TULP3: variants seen among roughly 807,000 people sequenced by gnomAD.
The protein encoded by TULP3 is tubby-related protein 3.
In TULP3, 38 loss-of-function variants were observed where a neutral mutation model predicts 50.7. That is an observed-to-expected ratio of 0.75 (90% CI 0.58 to 0.98). The LOEUF is 0.98. Among genes scored for constraint, TULP3 ranks in the 50% least tolerant of loss-of-function variants. The probability of loss-of-function intolerance (pLI) is 0.00; values close to 1 mark genes in which losing one functional copy is unlikely to be tolerated. For missense variants in TULP3, 550 were observed against 568.0 expected (o/e 0.97, Z 0.32); for synonymous variants, 183 against 196.6 (o/e 0.93, Z 0.58).
intron 4 of TULP3, among the ~76,000 whole-genome samples, chr12:2,928,734 G>A (rs1025184010): frequency 2.0e-5 from 3 of 152,054 alleles, no homozygotes; most frequent in Admixed American, 6.6e-5. Context: ...CCTGAGGTCA[G>A]GAGTTTGAGA....
intron 2 of TULP3, among the ~76,000 whole-genome samples, chr12:2,917,621 T>G (rs1270992973): frequency 6.6e-6 from 1 of 152,036 alleles, no homozygotes; most frequent in Non-Finnish European, 1.5e-5. Flanking sequence ...CTCATGCCTG[T>G]AATCCCAGCA....
At position 2,920,919 on chromosome 12, in the gene TULP3, C is replaced by G. The variant is rs773363701; in HGVS notation, c.250C>G (p.His84Asp). Residue 84 changes from histidine to aspartate, a missense_variant, in exon 3 of 11, where the codon CAT (histidine) becomes GAT (aspartate). Physicochemically the swap from His to Asp is moderately conservative, Grantham distance 81 (BLOSUM62 -1). Transcript: ENST00000448120. Reference sequence around the variant, plus strand: ...TACTCCCCACAGCAATGTCATCTTACATGGTGTGTATTTAGGCAGCATCAC... The same window carrying G: ...TACTCCCCACAGCAATGTCATCTTAGATGGTGTGTATTTAGGCAGCATCAC... The part of the protein sequence containing the change: ...CHTPHSNVIL[H>D]GIDGPAAVLK... 3.7e-6 allele frequency: 6 copies of G among 1,614,124 alleles called. No homozygotes were observed. The South Asian group carries it at 5.5e-5, about 15-fold the overall frequency.
Position 2,940,327 on chromosome 12 carries a change from A to G in TULP3, c.*883A>G, listed in dbSNP as rs938012127. The stretch of plus-strand genomic sequence containing the variant: ...ATTGACCATTTAGTTTAGTTAAAAA[A>G]AAAAAAAAAAAGGTGGCAGGAGAGG... On this transcript the variant is annotated 3_prime_UTR_variant, in exon 11 of 11. Coordinates refer to ENST00000448120, the MANE Select transcript of TULP3 (RefSeq NM_003324.5). 1.6e-4 allele frequency: 226 copies of G among 1,437,712 alleles called. No individual in the cohort carries two copies. Among genetic ancestry groups the G allele is most frequent in the Middle Eastern group, 4.4e-4 (2 of 4,536 alleles). 89.1% of individuals were successfully genotyped at this position (1,437,712 alleles called of 1,614,324 possible). A position where few individuals can be genotyped will look rare whatever the true frequency, so the allele number is the denominator to read the frequency against.
intron 1 of TULP3, among the ~76,000 whole-genome samples, chr12:2,902,915 G>A (rs1159315250): frequency 1.3e-5 from 2 of 150,538 alleles, no homozygotes; most frequent in African/African-American, 4.9e-5. Context: ...AGGCTAGAGT[G>A]TCATGGCGTG....
chr12:2,908,674 C>T (rs1464928162), intron 1 of TULP3, among the ~76,000 whole-genome samples: 1 of 152,132 alleles, frequency 6.6e-6, no homozygotes, highest in Non-Finnish European at 1.5e-5. Flanking sequence ...CCTGCCTTGA[C>T]CTCCCAAAGT....
chr12:2,931,338 C>G, intron 6 of TULP3, 98 bp downstream of exon 6: 2 of 1,142,578 alleles, frequency 1.8e-6, no homozygotes, highest in African/African-American at 3.1e-5. Context: ...TGGTATTAGA[C>G]CAAGCCAGCT....
intron 1 of TULP3, among the ~76,000 whole-genome samples, chr12:2,895,200 G>A (rs565947169): frequency 6.6e-6 from 1 of 152,218 alleles, no homozygotes; most frequent in Non-Finnish European, 1.5e-5. Context: ...CATTCTTTGG[G>A]GCTATGGGAA....
At chr12:2,931,789 G>GTGTTAAT (rs1286192501) in intron 6 of TULP3, among the ~76,000 whole-genome samples, 9 of 152,252 alleles carry the variant, frequency 5.9e-5, no homozygotes, top group African/African-American at 2.2e-4. Flanking sequence ...ATGATACTAG[G>GTGTTAAT]TGTTAATTCT....
chr12:2,890,908 G>A lies in TULP3; in HGVS notation c.-40G>A. 3 of 1,562,888 alleles carry A rather than the reference G, an allele frequency of 1.9e-6. No homozygotes were observed. The highest frequency in any genetic ancestry group is 2.6e-6 in the Non-Finnish European group (3 of 1,154,004). ...GCCTAGCCACTCTAGCGACGGCGGGGAAGAGTGTGTACGTGGTGGGGGCTT... is the reference window on the plus strand; with the variant it reads ...GCCTAGCCACTCTAGCGACGGCGGGAAAGAGTGTGTACGTGGTGGGGGCTT... On this transcript the variant is annotated 5_prime_UTR_variant, in exon 1 of 11. Transcript: ENST00000448120.
In TULP3 at chr12:2,920,938, G is replaced by T. The variant is rs1361990558; in HGVS notation, c.253+16G>T. On this transcript the variant is annotated intron_variant, in intron 3 of 10. Transcript: ENST00000448120. ...ATCTTACATGGTGTGTATTTAGGCA[G>T]CATCACTTCCTAGTGGGGTACAATT... is the stretch of plus-strand genomic sequence containing the variant. 1.2e-6 allele frequency: 2 copies of T among 1,613,142 alleles called. No individual in the cohort carries two copies. The highest frequency in any genetic ancestry group is 1.7e-6 in the Non-Finnish European group (2 of 1,179,372).
At chr12:2,921,042 A>G (rs2098191386) in intron 3 of TULP3, 120 bp downstream of exon 3, 1 of 1,124,748 alleles carries the variant, frequency 8.9e-7, no homozygotes, top group Non-Finnish European at 1.3e-6. Flanking sequence ...AGGTACCTTC[A>G]TAAATCTTTA....
intron 1 of TULP3, among the ~76,000 whole-genome samples, chr12:2,892,585 A>C (rs10744575): frequency 0.48 from 72,316 of 151,710 alleles, 17,685 homozygotes; most frequent in African/African-American, 0.59. Context: ...GATCTCGGCT[A>C]ACTGCAGCCT....
intron 2 of TULP3, among the ~76,000 whole-genome samples, chr12:2,917,369 G>T (rs1384751744): frequency 6.6e-6 from 1 of 152,068 alleles, no homozygotes; most frequent in Non-Finnish European, 1.5e-5. Flanking sequence ...CTACTCGGGA[G>T]GCTGAGGCAG....
intron 8 of TULP3, among the ~76,000 whole-genome samples, chr12:2,937,301 C>G (rs2098201909): frequency 7.3e-6 from 1 of 136,590 alleles, no homozygotes; most frequent in Non-Finnish European, 1.5e-5. Flanking sequence ...ACTGCAGCCT[C>G]TGCCTCCTGG....
At chr12:2,914,632 G>A (rs899113500) in intron 2 of TULP3, among the ~76,000 whole-genome samples, 8 of 151,972 alleles carry the variant, frequency 5.3e-5, no homozygotes, top group Non-Finnish European at 1.0e-4. Context: ...GTTTCACTAG[G>A]ATACTCTTTC....
intron 3 of TULP3, among the ~76,000 whole-genome samples, chr12:2,921,242 T>G (rs2098191540): frequency 6.6e-6 from 1 of 152,114 alleles, no homozygotes. Flanking sequence ...CAGGTTCAAG[T>G]GATTCTCCTG....
chr12:2,938,677 G>A (rs1006873215), intron 10 of TULP3, among the ~76,000 whole-genome samples: 11 of 151,854 alleles, frequency 7.2e-5, no homozygotes, highest in Non-Finnish European at 1.2e-4. Flanking sequence ...CCAGCTACCC[G>A]GGAGGCTGAG....
chr12:2,937,642 A>T lies in TULP3; in HGVS notation c.936A>T (p.Val312=), dbSNP rs1327807405. 1.9e-6 allele frequency: 3 copies of T among 1,611,090 alleles called. No individual in the cohort carries two copies. The African/African-American group carries it at 4.0e-5, about 22-fold the overall frequency. The change falls in exon 9 of 11, where the codon GTA becomes GTT. Residue 312 remains valine, a synonymous_variant. Transcript: ENST00000448120. ...ELAAISYETN[V]LGFKGPRKMS... ...TTCCTATCTTCCAGGAAACAAACGT[A>T]CTTGGATTTAAAGGTCCTAGGAAAA... is the stretch of plus-strand genomic sequence containing the variant.
rs146933058 is a variant in TULP3, at chr12:2,932,336, C to T, written c.697-1082C>T. Among the ~76,000 whole-genome samples the T allele has an allele frequency of 5.1e-3, 774 of 152,032 alleles. 4 individuals carry two copies. The highest frequency in any genetic ancestry group is 0.017 in the African/African-American group (717 of 41,482). On this transcript the variant is annotated intron_variant, in intron 6 of 10. Coordinates refer to ENST00000448120, the MANE Select transcript of TULP3 (RefSeq NM_003324.5). Reference sequence around the variant, plus strand: ...GCTCACACGTATGATCCCAGCACTTCGGGAGGCTGAGGCAGGTGGATCCCT... The same window carrying T: ...GCTCACACGTATGATCCCAGCACTTTGGGAGGCTGAGGCAGGTGGATCCCT...
Sources: allele counts gnomAD v4.1 joint callset (sites outside exome capture counted in the v4.1 genomes callset), GRCh38; gene constraint gnomAD v4.1.1; transcripts MANE v1.5; gene names NCBI Gene and HGNC (gene_info 2026-07-23, HGNC 2026-07-21).